Variants in FBXO11 observed in about 807,000 individuals in gnomAD.
FBXO11 encodes the protein F-box only protein 11.
In FBXO11, 13 loss-of-function variants were observed where a neutral mutation model predicts 117.0. The ratio of observed to expected loss-of-function variants is 0.11; its 90% CI spans 0.07 to 0.18. The LOEUF (loss-of-function observed/expected upper bound fraction) is 0.18, where lower values mean the gene tolerates loss of function less well. Among genes scored for constraint, FBXO11 ranks in the 10% least tolerant of loss-of-function variants. The pLI is 1.00. For synonymous variants in FBXO11, 490 were observed against 380.5 expected, an observed-to-expected ratio of 1.29 and a Z score of -3.35; for missense variants, 767 against 1,164.4, an observed-to-expected ratio of 0.66 and a Z score of 4.97.
intron 1 of FBXO11, among the ~76,000 whole-genome samples, chr2:47,878,384 G>A (rs541014207): frequency 2.4e-4 from 36 of 151,654 alleles, no homozygotes; most frequent in African/African-American, 7.5e-4. Context: ...TTAAGACAGA[G>A]TCTCACTCTG....
At chr2:47,849,817 G>C (rs539518277) in intron 1 of FBXO11, among the ~76,000 whole-genome samples, 1 of 152,288 alleles carries the variant, frequency 6.6e-6, no homozygotes, top group South Asian at 2.1e-4. Flanking sequence ...CAGGTATCAA[G>C]GAACTGCCAG....
intron 1 of FBXO11, among the ~76,000 whole-genome samples, chr2:47,843,940 T>C (rs1280340014): frequency 6.6e-6 from 1 of 151,994 alleles, no homozygotes; most frequent in Admixed American, 6.6e-5. Flanking sequence ...GGGGTTTCAC[T>C]ATGTTGGCCA....
At chr2:47,858,031 T>G (rs1268371776) in intron 1 of FBXO11, among the ~76,000 whole-genome samples, 1 of 152,072 alleles carries the variant, frequency 6.6e-6, no homozygotes, top group Non-Finnish European at 1.5e-5. Context: ...CGCCAAAATA[T>G]CTTTTTAAAA....
intron 1 of FBXO11, among the ~76,000 whole-genome samples, chr2:47,887,901 A>T (rs1676984931): frequency 6.6e-6 from 1 of 152,104 alleles, no homozygotes; most frequent in African/African-American, 2.4e-5. Flanking sequence ...CTGTAGTCCT[A>T]GCTACTGGCG....
At chr2:47,890,127 T>C (rs1677153322) in intron 1 of FBXO11, among the ~76,000 whole-genome samples, 2 of 151,384 alleles carry the variant, frequency 1.3e-5, no homozygotes, top group Non-Finnish European at 2.9e-5. Flanking sequence ...ATTTTTATTA[T>C]TTATTTATTT....
In FBXO11 at chr2:47,838,993, A is replaced by G; in HGVS notation, c.453T>C (p.Ala151=). 6.2e-7 allele frequency: 1 copy of G among 1,613,576 alleles called. No homozygotes were observed. The highest frequency in any genetic ancestry group is 8.5e-7 in the Non-Finnish European group (1 of 1,179,716). ...GKSQDLSAAP[A]EQYLQEKLPD... ...GCAGTTTCTCCTGAAGATACTGTTC[A>G]GCAGGTGCTGCTATAAAGAGATTAA... Residue 151 remains alanine (A), a synonymous_variant, in exon 4 of 23, where the codon GCT becomes GCC. Transcript: ENST00000403359.
intron 1 of FBXO11, among the ~76,000 whole-genome samples, chr2:47,902,247 T>C (rs1427210147): frequency 6.6e-6 from 1 of 152,230 alleles, no homozygotes; most frequent in Non-Finnish European, 1.5e-5. Flanking sequence ...AAAATACAAT[T>C]CTACTAGTAC....
chr2:47,851,387 C>T (rs979180458), intron 1 of FBXO11, among the ~76,000 whole-genome samples: 21 of 151,966 alleles, frequency 1.4e-4, no homozygotes, highest in South Asian at 4.1e-4. Context: ...ATTTTTACCA[C>T]GCGTGGCTAA....
intron 11 of FBXO11, among the ~76,000 whole-genome samples, chr2:47,827,224 G>A (rs1325191949): frequency 6.6e-6 from 1 of 152,180 alleles, no homozygotes; most frequent in Non-Finnish European, 1.5e-5. Context: ...GACAAAGATT[G>A]ATTGACTTAT....
At chr2:47,836,908 G>T (rs888823677) in intron 4 of FBXO11, 4 of 369,810 alleles carry the variant, frequency 1.1e-5, no homozygotes, top group Admixed American at 7.0e-5. Context: ...CTTATTTTTT[G>T]ATTTTTTTTT....
intron 1 of FBXO11, among the ~76,000 whole-genome samples, chr2:47,853,494 T>C (rs1674038714): frequency 6.6e-6 from 1 of 152,208 alleles, no homozygotes; most frequent in South Asian, 2.1e-4. Context: ...TGTTTTAGTA[T>C]TGTAAATAGT....
intron 12 of FBXO11, among the ~76,000 whole-genome samples, chr2:47,822,897 G>A (rs539695327): frequency 1.3e-5 from 2 of 152,140 alleles, no homozygotes; most frequent in East Asian, 3.9e-4. Context: ...AAAAATCACA[G>A]CATTTGCAAT....
chr2:47,846,997 C>T (rs900247546), intron 1 of FBXO11, among the ~76,000 whole-genome samples: 1 of 152,152 alleles, frequency 6.6e-6, no homozygotes, highest in African/African-American at 2.4e-5. Flanking sequence ...GTAATCCCTG[C>T]ACTTTAGGAG....
At chr2:47,904,661 A>C (rs1341004925) in intron 1 of FBXO11, among the ~76,000 whole-genome samples, 1 of 151,778 alleles carries the variant, frequency 6.6e-6, no homozygotes, top group East Asian at 1.9e-4. Flanking sequence ...AGGGGCGTTC[A>C]AACCCCACTA....
chr2:47,832,522 C>CT (rs774858876), intron 10 of FBXO11, 36 bp from the exon 11 acceptor site: 139 of 1,608,520 alleles, frequency 8.6e-5, no homozygotes, highest in Non-Finnish European at 1.1e-4. Flanking sequence ...ATCAGTAGAG[C>CT]TTTTAAACAT....
At chr2:47,812,563 A>G (rs1670697638) in intron 18 of FBXO11, among the ~76,000 whole-genome samples, 1 of 152,210 alleles carries the variant, frequency 6.6e-6, no homozygotes, top group South Asian at 2.1e-4. Context: ...TGGAATCATC[A>G]CTGCTTGGCT....
chr2:47,822,972 A>T (rs1278684244), intron 12 of FBXO11, among the ~76,000 whole-genome samples, 171 bp downstream of exon 12: 1 of 152,222 alleles, frequency 6.6e-6, no homozygotes, highest in Non-Finnish European at 1.5e-5. Flanking sequence ...CCAAAAAATA[A>T]ATCTGCAATA....
intron 1 of FBXO11, among the ~76,000 whole-genome samples, chr2:47,857,424 A>T (rs147139475): frequency 2.0e-5 from 3 of 152,192 alleles, no homozygotes; most frequent in African/African-American, 7.2e-5. Context: ...CCTGGCCAGA[A>T]ATTTTATGGT....
chr2:47,819,680 C>A (rs1671245825), intron 14 of FBXO11, among the ~76,000 whole-genome samples: 1 of 152,136 alleles, frequency 6.6e-6, no homozygotes, highest in African/African-American at 2.4e-5. Context: ...AAACTGACGA[C>A]CTCTCATTTA....
Sources: allele counts gnomAD v4.1 joint callset (sites outside exome capture counted in the v4.1 genomes callset), GRCh38; gene constraint gnomAD v4.1.1; transcripts MANE v1.5; gene names NCBI Gene and HGNC (gene_info 2026-07-23, HGNC 2026-07-21).